DLEU7: variants seen among roughly 807,000 people sequenced by gnomAD.
DLEU7 encodes deleted in lymphocytic leukemia 7.
DLEU7 carries 17 observed loss-of-function variants against 16.0 expected under a neutral mutation model. The ratio of observed to expected loss-of-function variants is 1.06; its 90% CI spans 0.73 to 1.59. DLEU7 has a LOEUF of 1.59. Ranked by LOEUF, DLEU7 falls within the 40% of genes most tolerant of loss-of-function variation. The probability of loss-of-function intolerance (pLI) is 0.00; values close to 1 mark genes in which losing one functional copy is unlikely to be tolerated. For missense variants in DLEU7, 308 were observed against 314.9 expected, an observed-to-expected ratio of 0.98 and a Z score of 0.17; for synonymous variants, 113 against 139.8, an observed-to-expected ratio of 0.81 and a Z score of 1.35.
intron 1 of DLEU7, among the ~76,000 whole-genome samples, chr13:50,744,788 A>T (rs1207103338): frequency 6.6e-6 from 1 of 152,224 alleles, no homozygotes; most frequent in African/African-American, 2.4e-5. Flanking sequence ...TCCAAAGAAG[A>T]TATGCCAAGG....
chr13:50,785,607 T>C (rs1204945456), intron 1 of DLEU7, among the ~76,000 whole-genome samples: 3 of 152,220 alleles, frequency 2.0e-5, no homozygotes, highest in Non-Finnish European at 4.4e-5. Context: ...AGCTAAATGG[T>C]AAATTAAGCT....
chr13:50,773,169 A>G (rs188505019), intron 1 of DLEU7, among the ~76,000 whole-genome samples: 1 of 152,292 alleles, frequency 6.6e-6, no homozygotes, highest in African/African-American at 2.4e-5. Context: ...CCATTCGTCT[A>G]ATCTTTTTTC....
At chr13:50,730,079 T>G (rs1873875733) in intron 1 of DLEU7, among the ~76,000 whole-genome samples, 1 of 152,150 alleles carries the variant, frequency 6.6e-6, no homozygotes, top group African/African-American at 2.4e-5. Flanking sequence ...AAAATATATT[T>G]ACTATTCATT....
In DLEU7 at chr13:50,843,199, T is replaced by G; in HGVS notation, c.448A>C (p.Ile150Leu). The G allele has an allele frequency of 6.3e-7, 1 of 1,592,288 alleles. No individual in the cohort carries two copies. Among genetic ancestry groups the G allele is most frequent in the Non-Finnish European group, 8.5e-7 (1 of 1,170,378 alleles). ...GPLQQERSFP[I>L]HLKDSVEFRN... ...GGGGCCAGACTCACCTTCAGGTGAA[T>G]GGGAAAGGACCGCTCCTGCTGGAGG... is the stretch of plus-strand genomic sequence containing the variant. Residue 150 changes from isoleucine (I) to leucine (L), a missense_variant, in exon 1 of 2, where the codon ATT becomes CTT. Ile to Leu is a conservative substitution (Grantham distance 5). Transcript: ENST00000504404. This position sits in a 1 kb window ranked among gnomAD's most constrained non-coding sequence, Gnocchi z 5.7.
intron 1 of DLEU7, among the ~76,000 whole-genome samples, chr13:50,738,434 AC>A (rs1566234048): frequency 6.6e-6 from 1 of 152,140 alleles, no homozygotes; most frequent in Non-Finnish European, 1.5e-5. Flanking sequence ...AAGCAGACCA[AC>A]GTTCAGTCAG....
chr13:50,806,400 A>AT (rs1311885270), intron 1 of DLEU7, among the ~76,000 whole-genome samples: 2 of 152,102 alleles, frequency 1.3e-5, no homozygotes, highest in African/African-American at 4.8e-5. Flanking sequence ...ATATATAGAG[A>AT]TTTTCTCTCC....
At chr13:50,746,705 A>C (rs1174508104) in intron 1 of DLEU7, among the ~76,000 whole-genome samples, 1 of 152,112 alleles carries the variant, frequency 6.6e-6, no homozygotes, top group Non-Finnish European at 1.5e-5. Context: ...CTTATAATAC[A>C]CTTTTCTACT....
intron 1 of DLEU7, among the ~76,000 whole-genome samples, chr13:50,810,331 G>A (rs1876528997): frequency 1.3e-5 from 2 of 152,068 alleles, no homozygotes; most frequent in African/African-American, 4.8e-5. Flanking sequence ...ATTTCATGGA[G>A]AGTTAAAATT....
At chr13:50,712,984 G>A (rs974946097) in exon 2 of DLEU7, 20 of 525,822 alleles carry the variant, frequency 3.8e-5, no homozygotes, top group African/African-American at 3.4e-4. Flanking sequence ...GGAGGTGAGA[G>A]AGGATAAAGA....
chr13:50,764,321 C>T (rs1593548320), intron 1 of DLEU7, among the ~76,000 whole-genome samples: 1 of 152,346 alleles, frequency 6.6e-6, no homozygotes, highest in South Asian at 2.1e-4. Flanking sequence ...TTTCCTTCTT[C>T]CACTCCTATA....
intron 1 of DLEU7, among the ~76,000 whole-genome samples, chr13:50,799,290 T>C (rs552933932): frequency 6.6e-6 from 1 of 152,216 alleles, no homozygotes; most frequent in Admixed American, 6.5e-5. Context: ...CATTAATGCA[T>C]TGATACAATC....
intron 1 of DLEU7, among the ~76,000 whole-genome samples, chr13:50,716,595 A>C (rs1203816893): frequency 6.6e-6 from 1 of 152,268 alleles, no homozygotes; most frequent in African/African-American, 2.4e-5. Flanking sequence ...ACACGTGGGC[A>C]GATCATTTTA....
chr13:50,711,804 A>G, downstream of DLEU7: 1 of 115,610 alleles, frequency 8.6e-6, no homozygotes, highest in Non-Finnish European at 1.8e-5. Flanking sequence ...CTATACCTAC[A>G]TGAGAAAGCA....
At chr13:50,779,032 G>C (rs971455089) in intron 1 of DLEU7, among the ~76,000 whole-genome samples, 2 of 152,198 alleles carry the variant, frequency 1.3e-5, no homozygotes, top group African/African-American at 4.8e-5. Context: ...TAGGGTGTGA[G>C]ATAAAGGACA....
At chr13:50,756,548 C>T (rs770705416) in intron 1 of DLEU7, among the ~76,000 whole-genome samples, 9 of 152,230 alleles carry the variant, frequency 5.9e-5, no homozygotes, top group Non-Finnish European at 1.0e-4. Context: ...TTCAGAGGGC[C>T]GGTCTCCCTC....
intron 1 of DLEU7, among the ~76,000 whole-genome samples, chr13:50,825,865 T>G (rs1877065205): frequency 6.6e-6 from 1 of 152,242 alleles, no homozygotes; most frequent in African/African-American, 2.4e-5. Flanking sequence ...CTAAGATTAT[T>G]ATTTTTTATT....
intron 1 of DLEU7, among the ~76,000 whole-genome samples, chr13:50,731,484 G>A (rs1200484019): frequency 6.6e-6 from 1 of 152,124 alleles, no homozygotes; most frequent in Admixed American, 6.5e-5. Context: ...ATCTCTTATT[G>A]TGATAACATA....
chr13:50,735,717 A>G (rs1283702568), intron 1 of DLEU7, among the ~76,000 whole-genome samples: 3 of 152,238 alleles, frequency 2.0e-5, no homozygotes, highest in Non-Finnish European at 2.9e-5. Flanking sequence ...AACACTTTTC[A>G]AAATAAGACA....
chr13:50,759,746 T>C (rs1230746193), intron 1 of DLEU7, among the ~76,000 whole-genome samples: 1 of 152,080 alleles, frequency 6.6e-6, no homozygotes, highest in Non-Finnish European at 1.5e-5. Flanking sequence ...GAGGGAAATA[T>C]TGGACCTATT....
Sources: allele counts gnomAD v4.1 joint callset (sites outside exome capture counted in the v4.1 genomes callset), GRCh38; gene constraint gnomAD v4.1.1; non-coding constraint Gnocchi (gnomAD v3.1); transcripts MANE v1.5; gene names NCBI Gene and HGNC (gene_info 2026-07-23, HGNC 2026-07-21).